The following MAP3K7 variants were observed in gnomAD, a reference collection of about 807,000 sequenced individuals.
MAP3K7 encodes TGF-beta activated kinase 1.
A neutral mutation model predicts 84.8 loss-of-function variants in MAP3K7; 21 were observed. The ratio of observed to expected loss-of-function variants is 0.25; its 90% CI spans 0.18 to 0.36. The LOEUF (loss-of-function observed/expected upper bound fraction) is 0.36. MAP3K7 is among the 10% of genes least tolerant of loss of function. MAP3K7 has a pLI of 1.00. For synonymous variants in MAP3K7, 241 were observed against 247.7 expected (o/e 0.97, Z 0.25); for missense variants, 503 against 747.7 (o/e 0.67, Z 3.82).
At chr6:90,555,044 G>A (rs1776292243) in intron 6 of MAP3K7, among the ~76,000 whole-genome samples, 1 of 152,072 alleles carries the variant, frequency 6.6e-6, no homozygotes, top group South Asian at 2.1e-4. Flanking sequence ...AATTTTATGG[G>A]CATTTACACT....
In MAP3K7 at chr6:90,523,793, G is replaced by T. The variant is rs753069415; in HGVS notation, c.1357-10C>A. On this transcript the variant is annotated splice_polypyrimidine_tract_variant and intron_variant, in intron 13 of 16. Transcript: ENST00000369329. ...ATGACCTACTGCTCACCTACAGGAA[G>T]AAGTCACAGGAGAAACAAAATGTGA... is the stretch of plus-strand genomic sequence containing the variant. The T allele has an allele frequency of 4.0e-5, 57 of 1,431,582 alleles. No individual in the cohort carries two copies. In the Admixed American group the frequency reaches 9.5e-4, roughly 24 times the overall value. The allele number at this position is 1,431,582 out of a possible 1,614,324, so 88.7% of individuals were successfully genotyped here. A position where few individuals can be genotyped will look rare whatever the true frequency, so the allele number is the denominator to read the frequency against.
intron 13 of MAP3K7, among the ~76,000 whole-genome samples, chr6:90,533,939 A>G (rs1484273416): frequency 6.6e-6 from 1 of 152,186 alleles, no homozygotes; most frequent in African/African-American, 2.4e-5. Flanking sequence ...TGAAAAAACC[A>G]TGTTTGAAAG....
At chr6:90,547,507 G>T in intron 10 of MAP3K7, 120 bp from the exon 11 acceptor site, 2 of 1,129,986 alleles carry the variant, frequency 1.8e-6, no homozygotes, top group Non-Finnish European at 2.5e-6. Context: ...GCTCTGAAAG[G>T]AGAGGGAAGT....
At chr6:90,561,710 T>C (rs1776521131) in intron 3 of MAP3K7, 43 bp from the exon 4 acceptor site, 1 of 1,355,984 alleles carries the variant, frequency 7.4e-7, no homozygotes, top group Non-Finnish European at 1.1e-6. Flanking sequence ...AGAAGCTCCA[T>C]CATCTTAGGG....
At chr6:90,539,141 G>C (rs1056744934) in intron 12 of MAP3K7, among the ~76,000 whole-genome samples, 1 of 151,834 alleles carries the variant, frequency 6.6e-6, no homozygotes, top group Non-Finnish European at 1.5e-5. Flanking sequence ...TTCTAATTTA[G>C]GCTGCCAAAG....
intron 12 of MAP3K7, among the ~76,000 whole-genome samples, chr6:90,537,463 T>C (rs983905422): frequency 6.6e-6 from 1 of 151,958 alleles, no homozygotes; most frequent in Non-Finnish European, 1.5e-5. Flanking sequence ...CATGACCCCA[T>C]TATTATGCTG....
chr6:90,516,470 G>C lies in MAP3K7; in HGVS notation c.*31C>G. Reference sequence around the variant, plus strand: ...TTCCTTAAAAAAAAAGTCTTTCTTTGCATATTTCAAAATGTAACGGTCCCA... The same window carrying C: ...TTCCTTAAAAAAAAAGTCTTTCTTTCCATATTTCAAAATGTAACGGTCCCA... On this transcript the variant is annotated 3_prime_UTR_variant, in exon 17 of 17. Transcript: ENST00000369329. 1.3e-6 allele frequency: 2 copies of C among 1,591,124 alleles called. No homozygotes were observed. Among genetic ancestry groups the C allele is most frequent in the South Asian group, 2.3e-5 (2 of 86,288 alleles).
rs1285082538 is a variant in MAP3K7, at chr6:90,514,370, G to A, written c.*2131C>T. On this transcript the variant is annotated 3_prime_UTR_variant, in exon 17 of 17. Transcript: ENST00000369329. ...CTTAAAAACAGAGTAAGGCTGAACT[G>A]TACTCAATGTCCAGGGCAACTACAG... 1 of 151,992 alleles carries A rather than the reference G, an allele frequency of 6.6e-6. No homozygotes were observed. Among genetic ancestry groups the A allele is most frequent in the East Asian group, 1.9e-4 (1 of 5,196 alleles). The allele number at this position is 151,992 out of a possible 1,614,324, so 9.4% of individuals were successfully genotyped here. A position where few individuals can be genotyped will look rare whatever the true frequency, so the allele number is the denominator to read the frequency against.
intron 13 of MAP3K7, among the ~76,000 whole-genome samples, chr6:90,529,404 C>T (rs205347): frequency 0.68 from 102,967 of 151,958 alleles, 35,266 homozygotes; most frequent in Middle Eastern, 0.75. Context: ...GTTATGTCTC[C>T]ATTCTGCCAC....
rs756248363 is a variant in MAP3K7, at chr6:90,519,334, T to C, written c.1463-15A>G. 6.6e-7 allele frequency: 1 copy of C among 1,525,512 alleles called. No homozygotes were observed. The highest frequency in any genetic ancestry group is 2.4e-5 in the East Asian group (1 of 41,192). The allele number at this position is 1,525,512 out of a possible 1,614,324, so 94.5% of individuals were successfully genotyped here. Reference sequence around the variant, plus strand: ...TCCATTGGTATCTGGAATTCAAGCATGTATTTTATTGATTTTCTGTCACAA... The same window carrying C: ...TCCATTGGTATCTGGAATTCAAGCACGTATTTTATTGATTTTCTGTCACAA... On this transcript the variant is annotated splice_polypyrimidine_tract_variant and intron_variant, in intron 14 of 16. Transcript: ENST00000369329.
chr6:90,564,330 C>T (rs988601709), intron 3 of MAP3K7, among the ~76,000 whole-genome samples: 5 of 152,068 alleles, frequency 3.3e-5, no homozygotes, highest in East Asian at 3.9e-4. Flanking sequence ...ACTCATCTCA[C>T]GGGCAGAGAC....
intron 13 of MAP3K7, 98 bp downstream of exon 13, chr6:90,536,238 AG>A: frequency 1.2e-6 from 1 of 860,240 alleles, no homozygotes; most frequent in Admixed American, 2.1e-5. Flanking sequence ...TCACAACTTT[AG>A]GTCAACTCAT....
At chr6:90,570,893 T>C (rs975887117) in intron 2 of MAP3K7, among the ~76,000 whole-genome samples, 1 of 152,234 alleles carries the variant, frequency 6.6e-6, no homozygotes, top group Non-Finnish European at 1.5e-5. Context: ...AAATCATCTT[T>C]CTTCATGCTG....
At chr6:90,576,419 T>TCACACACACACACACA (rs11468988) in intron 1 of MAP3K7, among the ~76,000 whole-genome samples, 13 of 136,956 alleles carry the variant, frequency 9.5e-5, no homozygotes, top group East Asian at 4.6e-4. Context: ...CTAGACTCTG[T>TCACACACACACACACA]CACACACACA....
In MAP3K7 at chr6:90,560,840, A is replaced by G. The variant is rs9451447; in HGVS notation, c.344-626T>C. Among the ~76,000 whole-genome samples the G allele has an allele frequency of 2.0e-4, 31 of 152,232 alleles. 1 individual carries two copies. Among genetic ancestry groups the G allele is most frequent in the African/African-American group, 7.0e-4 (29 of 41,472 alleles). On this transcript the variant is annotated intron_variant, in intron 4 of 16. Coordinates refer to ENST00000369329, the MANE Select transcript of MAP3K7 (RefSeq NM_145331.3). ...AGACTTTTATAAAGTAATATAAATT[A>G]TGAGCAGTCTTATGGCACACTACTA...
intron 13 of MAP3K7, among the ~76,000 whole-genome samples, chr6:90,530,441 T>C (rs1775470831): frequency 6.6e-6 from 1 of 152,198 alleles, no homozygotes; most frequent in Non-Finnish European, 1.5e-5. Flanking sequence ...AAATGATTCT[T>C]TGCTACACCT....
At chr6:90,527,680 G>A (rs1386952372) in intron 13 of MAP3K7, among the ~76,000 whole-genome samples, 1 of 152,142 alleles carries the variant, frequency 6.6e-6, no homozygotes, top group Non-Finnish European at 1.5e-5. Flanking sequence ...CCACAGGCGA[G>A]GAACACACAG....
At chr6:90,559,753 G>GC (rs927858205) in intron 5 of MAP3K7, among the ~76,000 whole-genome samples, 45 of 152,248 alleles carry the variant, frequency 3.0e-4, no homozygotes, top group African/African-American at 1.0e-3. Flanking sequence ...ACCTATCTCT[G>GC]CCCCCAAGGA....
chr6:90,569,794 T>C (rs893318062), intron 2 of MAP3K7, among the ~76,000 whole-genome samples: 3 of 152,126 alleles, frequency 2.0e-5, no homozygotes, highest in Non-Finnish European at 2.9e-5. Flanking sequence ...TTTCTATTAA[T>C]GCATCCCGCT....
Sources: gnomAD v4.1 joint callset for allele counts (sites outside exome capture counted in the v4.1 genomes callset) on GRCh38, gnomAD v4.1.1 for gene constraint, MANE v1.5 for transcripts, NCBI Gene and HGNC (gene_info 2026-07-23, HGNC 2026-07-21) for gene names.